The following DDIT3 variants were observed in gnomAD, a reference collection of about 807,000 sequenced individuals.
The protein encoded by DDIT3 is DNA damage inducible transcript 3.
A neutral mutation model predicts 17.6 loss-of-function variants in DDIT3; 14 were observed. The ratio of observed to expected loss-of-function variants is 0.80; its 90% confidence interval spans 0.53 to 1.25. The LOEUF (loss-of-function observed/expected upper bound fraction) is 1.25. Among genes scored for constraint, DDIT3 ranks in the 50% most tolerant of loss-of-function variants. The pLI is 0.00. For synonymous variants in DDIT3, 93 were observed against 76.5 expected (o/e 1.22, Z -1.13); for missense variants, 216 against 202.7 (o/e 1.07, Z -0.40).
chr12:57,517,592 G>T, intron 2 of DDIT3, 114 bp downstream of exon 2: 1 of 769,114 alleles, frequency 1.3e-6, no homozygotes, highest in Non-Finnish European at 2.2e-6. Flanking sequence ...TGGCTGCTTT[G>T]GTGCTACAGT....
upstream of DDIT3, chr12:57,520,515 C>G (rs1394391906): frequency 2.5e-6 from 1 of 398,426 alleles, no homozygotes; most frequent in African/African-American, 2.1e-5. Flanking sequence ...AGTCTCTGAC[C>G]TCGGGAGCGC....
rs1222076455 is a variant in DDIT3 at position 57,516,612 on chromosome 12, T to A, written c.*197A>T. 3 of 1,550,892 alleles carry A rather than the reference T, an allele frequency of 1.9e-6. No individual in the cohort carries two copies. Among genetic ancestry groups the A allele is most frequent in the Non-Finnish European group, 2.6e-6 (3 of 1,155,642 alleles). ...CTTGGCTCATAGAAAGTCACTTTAATAGATAGGGACAGTAATAAATAAATG... is the reference window on the plus strand; with the variant it reads ...CTTGGCTCATAGAAAGTCACTTTAAAAGATAGGGACAGTAATAAATAAATG... On this transcript the variant is annotated 3_prime_UTR_variant, in exon 4 of 4. Transcript: ENST00000346473.
chr12:57,516,975 GC>G lies in DDIT3; in HGVS notation c.343del (p.Ala115LeufsTer6). 1 of 1,614,048 alleles carries G rather than the reference GC, an allele frequency of 6.2e-7. No homozygotes were observed. The highest frequency in any genetic ancestry group is 8.5e-7 in the Non-Finnish European group (1 of 1,180,026). On this transcript the variant is annotated frameshift_variant, in exon 4 of 4. Coordinates refer to ENST00000346473, the MANE Select transcript of DDIT3 (RefSeq NM_004083.6). LOFTEE classifies it high-confidence loss of function. ...RKQSGHSPAR[A>X]GKQRMKEKEQ... ...TTTCTCCTTCATGCGCTGCTTTCCA[GC>G]CCGGGCTGGGGAATGACCACTCTGT...
intron 1 of DDIT3, among the ~76,000 whole-genome samples, chr12:57,518,944 G>A (rs1177057845): frequency 1.3e-5 from 2 of 152,176 alleles, no homozygotes; most frequent in Non-Finnish European, 2.9e-5. Context: ...ACAGGTGTGA[G>A]CCACCATGCC....
At chr12:57,519,146 A>G (rs745550559) in intron 1 of DDIT3, 1 of 533,386 alleles carries the variant, frequency 1.9e-6, no homozygotes, top group Non-Finnish European at 3.8e-6. Flanking sequence ...TTCACCATAC[A>G]GCAGCCTGAG....
chr12:57,520,351 C>CT, intron 1 of DDIT3, 67 bp downstream of exon 1: 1 of 398,480 alleles, frequency 2.5e-6, no homozygotes, highest in Non-Finnish European at 4.4e-6. Flanking sequence ...GAGGCCGATC[C>CT]TAAAGAGCGG....
chr12:57,519,631 C>T (rs879781919), intron 1 of DDIT3, among the ~76,000 whole-genome samples: 1 of 152,210 alleles, frequency 6.6e-6, no homozygotes, highest in Non-Finnish European at 1.5e-5. Context: ...TGGGACTTGG[C>T]TTTCATCAGC....
Position 57,516,668 on chromosome 12 carries a change from CCTTTT to C in DDIT3, c.*136_*140del, listed in dbSNP as rs1877862409. ...TCTCTATATACAAGCTGAGACCTTT[CCTTTT>C]GTCTACTCCAAGCCTTCCCCCTGCG... On this transcript the variant is annotated 3_prime_UTR_variant, in exon 4 of 4. Coordinates refer to ENST00000346473, the MANE Select transcript of DDIT3 (RefSeq NM_004083.6). 1 of 1,521,864 alleles carries C rather than the reference CCTTTT, an allele frequency of 6.6e-7. No individual in the cohort carries two copies. Among genetic ancestry groups the C allele is most frequent in the South Asian group, 1.3e-5 (1 of 75,240 alleles). 94.3% of individuals were successfully genotyped at this position (1,521,864 alleles called of 1,614,324 possible). A position where few individuals can be genotyped will look rare whatever the true frequency, so the allele number is the denominator to read the frequency against.
chr12:57,517,832 C>CTTT, intron 1 of DDIT3, 79 bp from the exon 2 acceptor site: 23 of 384,442 alleles, frequency 6.0e-5, no homozygotes, highest in South Asian at 3.4e-4. Flanking sequence ...TTTTTTCTTT[C>CTTT]TTTTTTTTTT....
chr12:57,517,209 G>C (rs761484884), intron 3 of DDIT3, 29 bp from the exon 4 acceptor site: 109 of 1,610,544 alleles, frequency 6.8e-5, no homozygotes, highest in Non-Finnish European at 9.2e-5. Flanking sequence ...AGGGAACATA[G>C]ATATTAGTTG....
Position 57,517,114 on chromosome 12 carries a change from C to A in DDIT3, c.205G>T (p.Glu69Ter). The A allele has an allele frequency of 6.2e-7, 1 of 1,613,632 alleles. No individual in the cohort carries two copies. The highest frequency in any genetic ancestry group is 8.5e-7 in the Non-Finnish European group (1 of 1,179,624). The change falls in exon 4 of 4, where the codon GAA (glutamate) becomes TAA (stop). Residue 69 changes from glutamate (E) to a stop codon, truncating the protein, a stop_gained. Coordinates refer to ENST00000346473, the MANE Select transcript of DDIT3 (RefSeq NM_004083.6). LOFTEE classifies it high-confidence loss of function. ...GAGGTGCTTGTGACCTCTGCTGGTT[C>A]TGGCTCCTCCTCAGTCAGCCAAGCC... Reference protein sequence around the residue: ...SLAWLTEEEPEPAEVTSTSQS... With the variant: ...SLAWLTEEEP
chr12:57,518,977 A>G (rs1165082468), intron 1 of DDIT3, among the ~76,000 whole-genome samples: 2 of 152,216 alleles, frequency 1.3e-5, no homozygotes, highest in Non-Finnish European at 2.9e-5. Context: ...CATTCTTTAA[A>G]AATGAGTTTT....
chr12:57,519,995 CAG>C (rs1878177609), intron 1 of DDIT3, among the ~76,000 whole-genome samples: 1 of 152,198 alleles, frequency 6.6e-6, no homozygotes, highest in African/African-American at 2.4e-5. Flanking sequence ...GAGACTGAGA[CAG>C]AATTGGGGGT....
chr12:57,516,923 T>C lies in DDIT3; in HGVS notation c.396A>G (p.Ala132=), dbSNP rs1877890905. 6.2e-7 allele frequency: 1 copy of C among 1,614,134 alleles called. No individual in the cohort carries two copies. The change falls in exon 4 of 4, where the codon GCA becomes GCG. Residue 132 remains alanine (A), a synonymous_variant. Transcript: ENST00000346473. ...EKEQENERKV[A]QLAEENERLK... ...GCCGTTCATTCTCTTCAGCTAGCTGTGCCACTTTCCTTTCATTCTCCTGTT... is the reference window on the plus strand; with the variant it reads ...GCCGTTCATTCTCTTCAGCTAGCTGCGCCACTTTCCTTTCATTCTCCTGTT...
intron 1 of DDIT3, among the ~76,000 whole-genome samples, chr12:57,519,456 TTTG>T (rs940528335): frequency 5.9e-5 from 9 of 152,130 alleles, no homozygotes; most frequent in African/African-American, 2.2e-4. Context: ...TCATTAAGTA[TTTG>T]TTAAGAATGA....
In DDIT3 at chr12:57,516,856, T is replaced by C; in HGVS notation, c.463A>G (p.Thr155Ala). The change falls in exon 4 of 4, where the codon ACT becomes GCT. Residue 155 changes from threonine to alanine, a missense_variant. By Grantham distance (58) the Thr-to-Ala change is moderately conservative. Transcript: ENST00000346473. ...IERLTREVEA[T>A]RRALIDRMVN... ...ATTCGGTCAATCAGAGCTCGGCGAG[T>C]CGCCTCTACTTCCCTGGTCAGGCGC... 2 of 1,613,056 alleles carry C rather than the reference T, an allele frequency of 1.2e-6. No homozygotes were observed. The highest frequency in any genetic ancestry group is 1.7e-6 in the Non-Finnish European group (2 of 1,180,016).
chr12:57,516,644 CTCTA>C lies in DDIT3; in HGVS notation c.*161_*164del. 6.5e-7 allele frequency: 1 copy of C among 1,527,622 alleles called. No homozygotes were observed. The highest frequency in any genetic ancestry group is 8.8e-7 in the Non-Finnish European group (1 of 1,141,434). The allele number at this position is 1,527,622 out of a possible 1,614,324, so 94.6% of individuals were successfully genotyped here. A position where few individuals can be genotyped will look rare whatever the true frequency, so the allele number is the denominator to read the frequency against. On this transcript the variant is annotated 3_prime_UTR_variant, in exon 4 of 4. Transcript: ENST00000346473. ...GGACAGTAATAAATAAATGTACAAT[CTCTA>C]TATACAAGCTGAGACCTTTCCTTTT...
chr12:57,520,058 G>A (rs1351724260), intron 1 of DDIT3, among the ~76,000 whole-genome samples: 4 of 152,374 alleles, frequency 2.6e-5, no homozygotes, highest in Admixed American at 6.5e-5. Context: ...CGGCCTGAGC[G>A]ATGGTCACCC....
intron 1 of DDIT3, among the ~76,000 whole-genome samples, chr12:57,519,424 CTG>C (rs1165227142): frequency 6.6e-6 from 1 of 152,184 alleles, no homozygotes; most frequent in African/African-American, 2.4e-5. Context: ...GAGCCCCAAA[CTG>C]TGTGGCACAC....
Sources: allele counts gnomAD v4.1 joint callset (sites outside exome capture counted in the v4.1 genomes callset), GRCh38; gene constraint gnomAD v4.1.1; transcripts MANE v1.5; gene names NCBI Gene and HGNC (gene_info 2026-07-23, HGNC 2026-07-21).